The following ZIC4 variants were observed in gnomAD, a reference collection of about 807,000 sequenced individuals.
The protein encoded by ZIC4 is zinc finger protein ZIC 4.
In ZIC4, 15 loss-of-function variants were observed where a neutral mutation model predicts 28.8. The observed-to-expected ratio is 0.52, with a 90% CI of 0.35 to 0.80. The LOEUF is 0.80. Among genes scored for constraint, ZIC4 ranks in the 30% least tolerant of loss-of-function variants. ZIC4 has a pLI of 0.01. For missense variants in ZIC4, 512 were observed against 467.1 expected (o/e 1.10, Z -0.89); for synonymous variants, 220 against 198.1 (o/e 1.11, Z -0.93).
intron 4 of ZIC4, chr3:147,389,482 G>A (rs2086864080): frequency 1.3e-5 from 2 of 152,152 alleles, no homozygotes; most frequent in African/African-American, 2.4e-5. Flanking sequence ...AATTCTTAGG[G>A]AACTGAGATG....
chr3:147,394,921 G>A (rs1221563048), intron 3 of ZIC4, among the ~76,000 whole-genome samples: 3 of 152,184 alleles, frequency 2.0e-5, no homozygotes, highest in Non-Finnish European at 4.4e-5. Context: ...TAGGAGAAGT[G>A]GGGCACCAAG....
chr3:147,405,651 G>T, intron 1 of ZIC4: 2 of 700,032 alleles, frequency 2.9e-6, no homozygotes, highest in Non-Finnish European at 4.8e-6. Context: ...TCGCATTGGA[G>T]ATAAAGAAAG....
rs1175664572 is a variant in ZIC4 at position 147,396,708 on chromosome 3, G to C, written c.71-239C>G. The C allele has an allele frequency of 1.5e-5, 7 of 477,270 alleles. No homozygotes were observed. The highest frequency in any genetic ancestry group is 2.5e-5 in the Non-Finnish European group (7 of 276,732). 29.6% of individuals were successfully genotyped at this position (477,270 alleles called of 1,614,324 possible). The stretch of plus-strand genomic sequence containing the variant: ...CCCCGCCGCGCCATGAGCTAGAGAG[G>C]GATGGTAGCGGCAGAGTAGATGTAA... On this transcript the variant is annotated intron_variant, in intron 2 of 4. Transcript: ENST00000383075. The surrounding 1 kb of genome is among the most constrained non-coding windows in gnomAD (Gnocchi z 4.2).
rs1226849870 is a variant in ZIC4 at position 147,388,781 on chromosome 3, C to A, written c.*78G>T. 8 of 758,522 alleles carry A rather than the reference C, an allele frequency of 1.1e-5. No homozygotes were observed. Among genetic ancestry groups the A allele is most frequent in the African/African-American group, 1.7e-5 (1 of 57,674 alleles). The allele number at this position is 758,522 out of a possible 1,614,324, so 47.0% of individuals were successfully genotyped here. A position where few individuals can be genotyped will look rare whatever the true frequency, so the allele number is the denominator to read the frequency against. ...AAGAAACACTGCTTTGTGCGCGGGC[C>A]CTTTGATGTAGCAGGCGCGAGATGC... On this transcript the variant is annotated 3_prime_UTR_variant, in exon 5 of 5. Coordinates refer to ENST00000383075, the MANE Select transcript of ZIC4 (RefSeq NM_032153.6).
At chr3:147,403,970 C>T (rs1325006985) in intron 1 of ZIC4, 16 of 1,536,570 alleles carry the variant, frequency 1.0e-5, no homozygotes, top group Admixed American at 2.0e-5. Flanking sequence ...TCACCTTTTC[C>T]CAGAGGGTAT....
chr3:147,391,188 G>A lies in ZIC4; in HGVS notation c.747C>T (p.Ser249=), dbSNP rs765838112. The change falls in exon 4 of 5, where the codon AGC becomes AGT. Residue 249 remains serine (S), a synonymous_variant. Coordinates refer to ENST00000383075, the MANE Select transcript of ZIC4 (RefSeq NM_032153.6). ...EGCERRFANS[S]DRKKHSHVHT... is the part of the protein sequence containing the mutation. Reference sequence around the variant, plus strand: ...GCACGTGCGAATGCTTCTTACGGTCGCTGCTGTTGGCGAAGCGCCGCTCGC... The same window carrying A: ...GCACGTGCGAATGCTTCTTACGGTCACTGCTGTTGGCGAAGCGCCGCTCGC... The A allele has an allele frequency of 2.5e-6, 4 of 1,607,820 alleles. No individual in the cohort carries two copies. Among genetic ancestry groups the A allele is most frequent in the South Asian group, 1.1e-5 (1 of 90,868 alleles).
chr3:147,402,085 A>T (rs2087173848), intron 2 of ZIC4, among the ~76,000 whole-genome samples: 1 of 152,200 alleles, frequency 6.6e-6, no homozygotes, highest in Non-Finnish European at 1.5e-5. Flanking sequence ...ATATAGTTGA[A>T]ATGAGGAAAA....
intron 3 of ZIC4, chr3:147,393,997 C>T (rs1576457990): frequency 4.4e-6 from 2 of 455,506 alleles, no homozygotes; most frequent in African/African-American, 2.0e-5. Flanking sequence ...GCTTCTGCTA[C>T]TCGAGGAAAT....
In ZIC4 at chr3:147,391,153, T is replaced by A. The variant is rs1195264882; in HGVS notation, c.782A>T (p.Asp261Val). 6.2e-7 allele frequency: 1 copy of A among 1,613,396 alleles called. No homozygotes were observed. The highest frequency in any genetic ancestry group is 8.5e-7 in the Non-Finnish European group (1 of 1,179,382). ...RKKHSHVHTS[D>V]KPYTCKVRGC... Reference sequence around the variant, plus strand: ...CCGCACCTTGCACGTGTATGGCTTGTCGCTAGTGTGCACGTGCGAATGCTT... The same window carrying A: ...CCGCACCTTGCACGTGTATGGCTTGACGCTAGTGTGCACGTGCGAATGCTT... The change falls in exon 4 of 5, where the codon GAC becomes GTC. Residue 261 changes from aspartate (D) to valine (V), a missense_variant. Physicochemically the swap from Asp to Val is radical, Grantham distance 152 (BLOSUM62 -3). Around this residue, in one of 3 missense-constraint regions of ZIC4, gnomAD observed 144 missense variants for 116.8 expected, o/e 1.23. Coordinates refer to ENST00000383075, the MANE Select transcript of ZIC4 (RefSeq NM_032153.6).
intron 4 of ZIC4, 71 bp from the exon 5 acceptor site, chr3:147,388,930 T>C: frequency 1.3e-6 from 1 of 767,634 alleles, no homozygotes; most frequent in Non-Finnish European, 2.4e-6. Context: ...TTCATTATTT[T>C]AGATTGAGAT....
intron 3 of ZIC4, among the ~76,000 whole-genome samples, 194 bp downstream of exon 3, chr3:147,395,658 C>A (rs1443244313): frequency 6.6e-6 from 1 of 152,138 alleles, no homozygotes; most frequent in African/African-American, 2.4e-5. Flanking sequence ...CCGCACTATC[C>A]TCCCTACACA....
chr3:147,391,776 C>G (rs990369565), intron 3 of ZIC4: 2 of 187,702 alleles, frequency 1.1e-5, no homozygotes, highest in African/African-American at 2.8e-5. Context: ...TTTGCGCAAA[C>G]GCCAAAGCGA....
At chr3:147,398,558 G>T (rs1005604864) in intron 2 of ZIC4, among the ~76,000 whole-genome samples, 1 of 152,144 alleles carries the variant, frequency 6.6e-6, no homozygotes. Flanking sequence ...TGTCTGAGCC[G>T]ACCGGCTAAG....
intron 1 of ZIC4, chr3:147,404,139 T>A: frequency 6.5e-7 from 1 of 1,532,376 alleles, no homozygotes; most frequent in East Asian, 2.4e-5. Flanking sequence ...TGGCAGGATG[T>A]CTGGCATGGA....
rs575912095 is a variant in ZIC4, at chr3:147,392,368, A to T, written c.689-1122T>A. The T allele has an allele frequency of 2.1e-5, 21 of 985,504 alleles. No homozygotes were observed. The South Asian group carries it at 7.5e-4, about 35-fold the overall frequency. The allele number at this position is 985,504 out of a possible 1,614,324, so 61.0% of individuals were successfully genotyped here. A position where few individuals can be genotyped will look rare whatever the true frequency, so the allele number is the denominator to read the frequency against. ...CCCTGTAGAGCCGAGGGAAGGCGCG[A>T]GTGCACGTTAGAGTGACAATATTGG... On this transcript the variant is annotated intron_variant, in intron 3 of 4. Coordinates refer to ENST00000383075, the MANE Select transcript of ZIC4 (RefSeq NM_032153.6).
At chr3:147,401,160 C>G (rs2087158470) in intron 2 of ZIC4, among the ~76,000 whole-genome samples, 1 of 152,148 alleles carries the variant, frequency 6.6e-6, no homozygotes, top group Non-Finnish European at 1.5e-5. Flanking sequence ...AGCACTTTTG[C>G]TCACCTACCC....
At chr3:147,405,473 A>C in intron 1 of ZIC4, 1 of 1,537,248 alleles carries the variant, frequency 6.5e-7, no homozygotes, top group Non-Finnish European at 8.7e-7. Context: ...GCCATTCATC[A>C]ACCCCAACTT....
chr3:147,399,307 C>A (rs559252526), intron 2 of ZIC4, among the ~76,000 whole-genome samples: 1 of 152,138 alleles, frequency 6.6e-6, no homozygotes, highest in Non-Finnish European at 1.5e-5. Flanking sequence ...ATGGCCAGGT[C>A]TCCAGTGAAA....
intron 4 of ZIC4, among the ~76,000 whole-genome samples, chr3:147,390,118 G>A (rs1351220794): frequency 6.6e-6 from 1 of 152,206 alleles, no homozygotes; most frequent in Non-Finnish European, 1.5e-5. Context: ...GTGGACGACA[G>A]GCAGATGTTT....
Sources: gnomAD v4.1 joint callset for allele counts (sites outside exome capture counted in the v4.1 genomes callset) on GRCh38, gnomAD v4.1.1 for gene constraint, gnomAD v4.1.1 regional missense constraint, Gnocchi (gnomAD v3.1) non-coding constraint, MANE v1.5 for transcripts, NCBI Gene and HGNC (gene_info 2026-07-23, HGNC 2026-07-21) for gene names.